Variants in EXOC4 observed in about 807,000 individuals in gnomAD.
EXOC4 encodes the protein SEC8-like 1.
In EXOC4, 71 loss-of-function variants were observed where a neutral mutation model predicts 107.2. That is an observed-to-expected ratio of 0.66 (90% CI 0.55 to 0.81). The LOEUF (loss-of-function observed/expected upper bound fraction) is 0.81, where lower values mean the gene tolerates loss of function less well. Ranked by LOEUF, EXOC4 falls within the 30% of genes least tolerant of loss-of-function variation. EXOC4 has a pLI of 0.00. For missense variants in EXOC4, 1,108 were observed against 1,189.6 expected (o/e 0.93, Z 1.01); for synonymous variants, 456 against 441.2 (o/e 1.03, Z -0.42).
intron 5 of EXOC4, among the ~76,000 whole-genome samples, chr7:133,318,979 G>C (rs780140286): frequency 6.6e-6 from 1 of 152,164 alleles, no homozygotes; most frequent in Non-Finnish European, 1.5e-5. Flanking sequence ...GCTCTGAGGG[G>C]TTGTAGACTG....
In EXOC4 at chr7:133,889,475, G is replaced by C. The variant is rs1396498269; in HGVS notation, c.1735-6124G>C. ...TTAGGGTACATGTGCACATTGTGCAGGTTAGTTACATATGTATACATGTGC... is the reference window on the plus strand; with the variant it reads ...TTAGGGTACATGTGCACATTGTGCACGTTAGTTACATATGTATACATGTGC... On this transcript the variant is annotated intron_variant, in intron 11 of 17. Coordinates refer to ENST00000253861, the MANE Select transcript of EXOC4 (RefSeq NM_021807.4). Among the ~76,000 whole-genome samples the C allele has an allele frequency of 2.0e-5, 3 of 146,566 alleles. No homozygotes were observed. In the Admixed American group the frequency reaches 2.1e-4, roughly 10 times the overall value.
chr7:133,699,438 G>A lies in EXOC4; in HGVS notation c.1514+69297G>A, dbSNP rs1585087497. 2.0e-5 allele frequency among the ~76,000 whole-genome samples: 3 copies of A among 152,266 alleles called. No individual in the cohort carries two copies. The East Asian group carries it at 5.8e-4, about 29-fold the overall frequency. The stretch of plus-strand genomic sequence containing the variant: ...ATATGCCTGCTATGATGGATCATAG[G>A]CGCTTCCAGAGAGGCAAGGGAAGGT... On this transcript the variant is annotated intron_variant, in intron 10 of 17. Transcript: ENST00000253861.
At chr7:133,548,911 C>T (rs952931991) in intron 9 of EXOC4, among the ~76,000 whole-genome samples, 5 of 152,196 alleles carry the variant, frequency 3.3e-5, no homozygotes, top group Non-Finnish European at 7.3e-5. Context: ...TCTTTGCATT[C>T]GCAACGTGGC....
intron 17 of EXOC4, among the ~76,000 whole-genome samples, chr7:134,044,700 CT>C (rs1795605316): frequency 6.6e-6 from 1 of 152,234 alleles, no homozygotes; most frequent in African/African-American, 2.4e-5. Context: ...AATGTGCACA[CT>C]TGGAGCAGTC....
intron 10 of EXOC4, among the ~76,000 whole-genome samples, chr7:133,787,948 CATATATTTATATATTTATATATATATAT>C (rs1562997474): frequency 3.6e-4 from 8 of 22,200 alleles, no homozygotes; most frequent in Admixed American, 9.7e-4. Flanking sequence ...CTTCCCTGTG[CATATATTTATATATTTATATATATATAT>C]ATATATATAT....
chr7:133,389,356 A>C (rs1246260267), intron 7 of EXOC4, among the ~76,000 whole-genome samples: 2 of 152,096 alleles, frequency 1.3e-5, no homozygotes, highest in Non-Finnish European at 2.9e-5. Flanking sequence ...GGATCACCTG[A>C]GGTCAGGAGT....
intron 10 of EXOC4, among the ~76,000 whole-genome samples, chr7:133,692,886 T>G (rs112926242): frequency 1.5e-3 from 233 of 152,320 alleles, no homozygotes; most frequent in African/African-American, 5.5e-3. Context: ...TTCGGTACTG[T>G]GCTAAGCGCT....
rs569243029 is a variant in EXOC4, at chr7:133,952,527, G to A, written c.2206+14458G>A. Among the ~76,000 whole-genome samples, 16 of 152,308 alleles carry A rather than the reference G, an allele frequency of 1.1e-4. No homozygotes were observed. The East Asian group carries it at 2.7e-3, about 26-fold the overall frequency. Reference sequence around the variant, plus strand: ...GTTATCATTTCAGCCATTTTTAAATGTCCAGTTTGGTGGCATTCAGTACAT... The same window carrying A: ...GTTATCATTTCAGCCATTTTTAAATATCCAGTTTGGTGGCATTCAGTACAT... On this transcript the variant is annotated intron_variant, in intron 14 of 17. Coordinates refer to ENST00000253861, the MANE Select transcript of EXOC4 (RefSeq NM_021807.4).
intron 1 of EXOC4, among the ~76,000 whole-genome samples, chr7:133,261,198 A>C (rs941342966): frequency 6.7e-6 from 1 of 149,348 alleles, no homozygotes; most frequent in Non-Finnish European, 1.5e-5. Flanking sequence ...TAATTTTATC[A>C]TCTGTGTCAT....
intron 11 of EXOC4, among the ~76,000 whole-genome samples, chr7:133,886,744 G>A (rs115251681): frequency 0.012 from 1,842 of 152,172 alleles, 45 homozygotes; most frequent in African/African-American, 0.042. Context: ...AATTAATAAT[G>A]TGTCAGTAAA....
chr7:134,018,926 G>T (rs1794967608), intron 17 of EXOC4, among the ~76,000 whole-genome samples: 1 of 151,694 alleles, frequency 6.6e-6, no homozygotes, highest in South Asian at 2.1e-4. Context: ...GTTTGTTTTT[G>T]TTTTTTGTTT....
Position 133,927,635 on chromosome 7 carries a change from G to C in EXOC4, c.2027+9897G>C, listed in dbSNP as rs1187412592. ...GACATTTATTTCATTATCTCTGGAT[G>C]CTTAATATAACTTTTAAAATATAAT... On this transcript the variant is annotated intron_variant, in intron 13 of 17. Coordinates refer to ENST00000253861, the MANE Select transcript of EXOC4 (RefSeq NM_021807.4). Among the ~76,000 whole-genome samples, 4 of 152,138 alleles carry C rather than the reference G, an allele frequency of 2.6e-5. No homozygotes were observed. The East Asian group carries it at 7.7e-4, about 29-fold the overall frequency.
At chr7:133,930,535 T>G (rs1374680479) in intron 13 of EXOC4, 2 of 152,110 alleles carry the variant, frequency 1.3e-5, no homozygotes, top group Non-Finnish European at 2.9e-5. Flanking sequence ...ATGGAATTTT[T>G]TCATTGTCTT....
chr7:133,329,649 A>G (rs1795332944), intron 5 of EXOC4, among the ~76,000 whole-genome samples: 1 of 151,978 alleles, frequency 6.6e-6, no homozygotes, highest in Non-Finnish European at 1.5e-5. Context: ...ATTTCTTTCT[A>G]TGTGTTAGTT....
chr7:133,274,605 G>T (rs531774116), intron 1 of EXOC4, among the ~76,000 whole-genome samples: 1 of 152,270 alleles, frequency 6.6e-6, no homozygotes, highest in East Asian at 1.9e-4. Context: ...GCAGAAAATT[G>T]TTCCTAGTAC....
chr7:133,942,971 G>A (rs1035237921), intron 14 of EXOC4, among the ~76,000 whole-genome samples: 2 of 152,014 alleles, frequency 1.3e-5, no homozygotes, highest in Admixed American at 6.6e-5. Context: ...TTATCATGCC[G>A]TGTAATATAT....
At chr7:133,534,645 G>A (rs1192645585) in intron 9 of EXOC4, among the ~76,000 whole-genome samples, 1 of 152,074 alleles carries the variant, frequency 6.6e-6, no homozygotes, top group East Asian at 1.9e-4. Flanking sequence ...ATATACACTC[G>A]CATACACATA....
intron 14 of EXOC4, among the ~76,000 whole-genome samples, chr7:133,960,811 A>G (rs1465429478): frequency 6.6e-6 from 1 of 152,222 alleles, no homozygotes; most frequent in East Asian, 1.9e-4. Flanking sequence ...CAAGTTTGAC[A>G]GAACCTCAGC....
At chr7:133,946,366 C>T (rs1800549990) in intron 14 of EXOC4, among the ~76,000 whole-genome samples, 1 of 152,200 alleles carries the variant, frequency 6.6e-6, no homozygotes, top group African/African-American at 2.4e-5. Flanking sequence ...CTGCCTGACT[C>T]TAAATATATT....
Sources: allele counts gnomAD v4.1 joint callset (sites outside exome capture counted in the v4.1 genomes callset), GRCh38; gene constraint gnomAD v4.1.1; transcripts MANE v1.5; gene names NCBI Gene and HGNC (gene_info 2026-07-23, HGNC 2026-07-21).